Variants in LRP1 observed in about 807,000 individuals in gnomAD.
LRP1 encodes the protein LDL receptor related protein 1, also known as prolow-density lipoprotein receptor-related protein 1.
LRP1 carries 51 observed loss-of-function variants against 541.5 expected under a neutral mutation model. That is an observed-to-expected ratio of 0.09 (90% CI 0.08 to 0.12). The LOEUF (loss-of-function observed/expected upper bound fraction) is 0.12, where lower values mean the gene tolerates loss of function less well. Among genes scored for constraint, LRP1 ranks in the 10% least tolerant of loss-of-function variants. The pLI is 1.00. For missense variants in LRP1, 3,878 were observed against 6,376.2 expected (o/e 0.61, Z 13.34); for synonymous variants, 2,219 against 2,470.8 (o/e 0.90, Z 3.02).
intron 10 of LRP1, among the ~76,000 whole-genome samples, chr12:57,157,963 G>A (rs1046981105): frequency 6.6e-6 from 1 of 152,204 alleles, no homozygotes; most frequent in Admixed American, 6.5e-5. Flanking sequence ...TAAAAGTCAC[G>A]CTGCTACTGG....
At position 57,128,534 on chromosome 12, in the gene LRP1, G is replaced by A. The variant is rs2034961944; in HGVS notation, c.-431G>A. 4 of 392,936 alleles carry A rather than the reference G, an allele frequency of 1.0e-5. No individual in the cohort carries two copies. The highest frequency in any genetic ancestry group is 2.1e-5 in the African/African-American group (1 of 48,186). 24.3% of individuals were successfully genotyped at this position (392,936 alleles called of 1,614,324 possible). Reference sequence around the variant, plus strand: ...AGCTCCAGGCCCATGCACTGAGGAGGCGGAAACAAGGGGAGCCCCCAGAGC... The same window carrying A: ...AGCTCCAGGCCCATGCACTGAGGAGACGGAAACAAGGGGAGCCCCCAGAGC... On this transcript the variant is annotated 5_prime_UTR_variant, in exon 1 of 89. Transcript: ENST00000243077.
At chr12:57,202,384 C>T (rs1296321573) in intron 67 of LRP1, 37 bp from the exon 68 acceptor site, 1 of 1,476,910 alleles carries the variant, frequency 6.8e-7, no homozygotes, top group Non-Finnish European at 9.5e-7. Flanking sequence ...TCTGCCCCAG[C>T]CCTTTCCCTG....
Position 57,145,078 on chromosome 12 carries a change from C to A in LRP1, c.555C>A (p.Asn185Lys). 6.2e-7 allele frequency: 1 copy of A among 1,614,050 alleles called. No individual in the cohort carries two copies. ...CVEGYLLQPD[N>K]RSCKAKNEPV... ...AAGGATACCTCCTGCAGCCGGATAACCGCTCCTGCAAGGCCAAGAACGGTG... is the reference window on the plus strand; with the variant it reads ...AAGGATACCTCCTGCAGCCGGATAAACGCTCCTGCAAGGCCAAGAACGGTG... Residue 185 changes from asparagine to lysine, a missense_variant, in exon 5 of 89, where the codon AAC becomes AAA. By Grantham distance (94) the Asn-to-Lys change is moderately conservative (BLOSUM62 0). Around this residue, in one of 13 missense-constraint regions of LRP1, gnomAD observed 293 missense variants for 403.7 expected, o/e 0.73. Transcript: ENST00000243077.
intron 41 of LRP1, 83 bp from the exon 42 acceptor site, chr12:57,187,184 C>T: frequency 2.1e-6 from 3 of 1,420,642 alleles, no homozygotes; most frequent in Non-Finnish European, 2.9e-6. Flanking sequence ...AGGAGAGCAC[C>T]TGCCCCAGGC....
At chr12:57,131,171 C>G (rs1207754210) in intron 1 of LRP1, among the ~76,000 whole-genome samples, 1 of 152,178 alleles carries the variant, frequency 6.6e-6, no homozygotes, top group Non-Finnish European at 1.5e-5. Context: ...TTACCTTCCT[C>G]CTGCTATCAC....
At chr12:57,129,612 G>T (rs1330655842) in intron 1 of LRP1, among the ~76,000 whole-genome samples, 1 of 152,220 alleles carries the variant, frequency 6.6e-6, no homozygotes, top group South Asian at 2.1e-4. Flanking sequence ...CCTGGGTGCT[G>T]AAGTAGGCTC....
In LRP1 at chr12:57,193,661, G is replaced by A. The variant is rs919917249; in HGVS notation, c.7780G>A (p.Gly2594Ser). The A allele has an allele frequency of 6.2e-7, 1 of 1,614,202 alleles. No homozygotes were observed. The highest frequency in any genetic ancestry group is 1.3e-5 in the African/African-American group (1 of 75,054). Reference sequence around the variant, plus strand: ...CAACGGGGCCGACGACTGTGGGGATGGCTCTGACGAGATCCCTTGCAACAG... The same window carrying A: ...CAACGGGGCCGACGACTGTGGGGATAGCTCTGACGAGATCCCTTGCAACAG... ...WCNGADDCGDGSDEIPCNKTA... is the reference protein window; with the variant it reads ...WCNGADDCGDSSDEIPCNKTA... The change falls in exon 47 of 89, where the codon GGC (glycine) becomes AGC (serine). Residue 2594 changes from glycine to serine, a missense_variant. Gly to Ser is a moderately conservative substitution (Grantham distance 56, BLOSUM62 0). Coordinates refer to ENST00000243077, the MANE Select transcript of LRP1 (RefSeq NM_002332.3).
At chr12:57,193,453 G>T in intron 46 of LRP1, 113 bp from the exon 47 acceptor site, 1 of 1,513,782 alleles carries the variant, frequency 6.6e-7, no homozygotes. Context: ...CTGTTAGCCT[G>T]GACTGGGCCT....
rs755874188 is a variant in LRP1, at chr12:57,206,725, G to A, written c.11843G>A (p.Gly3948Asp). The A allele has an allele frequency of 7.4e-6, 12 of 1,612,312 alleles. No homozygotes were observed. The highest frequency in any genetic ancestry group is 1.0e-5 in the Non-Finnish European group (12 of 1,179,992). ...CGCCACCGGCGACAGATTGACCGGG[G>A]TGTCACCCACCTCAACGTGAGTGCC... Reference protein sequence around the residue: ...SNRHRRQIDRGVTHLNISGLK... With the variant: ...SNRHRRQIDRDVTHLNISGLK... The change falls in exon 76 of 89, where the codon GGT becomes GAT. Residue 3948 changes from glycine (G) to aspartate (D), a missense_variant. This residue lies in a region of LRP1 where 871 missense variants were observed against 1,212.4 expected (regional missense o/e 0.72). Transcript: ENST00000243077. This position sits in a 1 kb window ranked among gnomAD's most constrained non-coding sequence, Gnocchi z 4.7.
At position 57,197,205 on chromosome 12, in the gene LRP1, G is replaced by T. The variant is rs2036554106; in HGVS notation, c.9076+40G>T. 1 of 1,613,714 alleles carries T rather than the reference G, an allele frequency of 6.2e-7. No individual in the cohort carries two copies. ...TGGAGGGCATGAGGTGACCCAGGCT[G>T]TGTGGGACTGCCCGGGTGGCAGAGC... On this transcript the variant is annotated intron_variant, in intron 56 of 88. Coordinates refer to ENST00000243077, the MANE Select transcript of LRP1 (RefSeq NM_002332.3). The surrounding 1 kb of genome is among the most constrained non-coding windows in gnomAD (Gnocchi z 4.5).
rs770483111 is a variant in LRP1 at position 57,195,009 on chromosome 12, T to C, written c.8216T>C (p.Phe2739Ser). ...GACAAGTTCTGCTCAGAGGCCCAGT[T>C]TGAGTGCCAGAACCATCGCTGCATC... The part of the protein sequence containing the change: ...HCNKFCSEAQ[F>S]ECQNHRCISK... The change falls in exon 51 of 89, where the codon TTT (phenylalanine) becomes TCT (serine). Residue 2739 changes from phenylalanine to serine, a missense_variant. By Grantham distance (155) the Phe-to-Ser change is radical. Coordinates refer to ENST00000243077, the MANE Select transcript of LRP1 (RefSeq NM_002332.3). The C allele has an allele frequency of 3.1e-6, 5 of 1,613,872 alleles. No individual in the cohort carries two copies. The highest frequency in any genetic ancestry group is 2.2e-5 in the East Asian group (1 of 44,864).
At position 57,179,975 on chromosome 12, in the gene LRP1, G is replaced by A; in HGVS notation, c.5141+19G>A. On this transcript the variant is annotated intron_variant, in intron 30 of 88. Coordinates refer to ENST00000243077, the MANE Select transcript of LRP1 (RefSeq NM_002332.3). This position sits in a 1 kb window ranked among gnomAD's most constrained non-coding sequence, Gnocchi z 6.8. ...TGCGTGGGTCAGTCTAGGGCCCAGG[G>A]CCGGGGAGCATGGGGTGTGGGGCTG... 1 of 1,613,968 alleles carries A rather than the reference G, an allele frequency of 6.2e-7. No homozygotes were observed.
intron 46 of LRP1, 108 bp from the exon 47 acceptor site, chr12:57,193,458 G>A (rs2036458462): frequency 6.6e-7 from 1 of 1,517,158 alleles, no homozygotes. Flanking sequence ...AGCCTGGACT[G>A]GGCCTTTGGG....
At chr12:57,137,166 G>A (rs1187946343) in intron 1 of LRP1, among the ~76,000 whole-genome samples, 7 of 152,030 alleles carry the variant, frequency 4.6e-5, no homozygotes, top group Non-Finnish European at 1.5e-5. Flanking sequence ...ACTTGAACCC[G>A]GGAGGCAGGG....
chr12:57,170,373 A>G (rs1436454408), intron 20 of LRP1, among the ~76,000 whole-genome samples: 3 of 152,232 alleles, frequency 2.0e-5, no homozygotes, highest in Non-Finnish European at 4.4e-5. Flanking sequence ...AGTTGATTTT[A>G]GAAGTTTTAA....
At chr12:57,186,535 C>A (rs2036273592) in intron 41 of LRP1, among the ~76,000 whole-genome samples, 1 of 152,258 alleles carries the variant, frequency 6.6e-6, no homozygotes, top group Non-Finnish European at 1.5e-5. Flanking sequence ...AGGCACCGAA[C>A]TAGGTGCTAC....
chr12:57,201,525 C>G lies in LRP1; in HGVS notation c.10374C>G (p.Phe3458Leu). Residue 3458 changes from phenylalanine to leucine, a missense_variant, in exon 66 of 89, where the codon TTC becomes TTG. This residue lies in a region of LRP1 where 278 missense variants were observed against 536.3 expected (regional missense o/e 0.52). Transcript: ENST00000243077. This position sits in a 1 kb window ranked among gnomAD's most constrained non-coding sequence, Gnocchi z 6.4. The stretch of plus-strand genomic sequence containing the variant: ...AGGTGACCTGCGCCCCCAACCAGTT[C>G]CAGTGCTCCATTACCAAACGGTGCA... ...CPEVTCAPNQ[F>L]QCSITKRCIP... 6.2e-7 allele frequency: 1 copy of G among 1,613,988 alleles called. No individual in the cohort carries two copies. The highest frequency in any genetic ancestry group is 8.5e-7 in the Non-Finnish European group (1 of 1,179,956).
Position 57,158,661 on chromosome 12 carries a change from C to T in LRP1, c.1798+23C>T, listed in dbSNP as rs2035670468. The T allele has an allele frequency of 6.2e-7, 1 of 1,605,042 alleles. No individual in the cohort carries two copies. The highest frequency in any genetic ancestry group is 2.2e-5 in the East Asian group (1 of 44,800). ...ACGGTATGGGCTCCTAGGGATGTGG[C>T]CCATGGGGATGGAAGGGGGCTGGGG... On this transcript the variant is annotated intron_variant, in intron 11 of 88. Coordinates refer to ENST00000243077, the MANE Select transcript of LRP1 (RefSeq NM_002332.3). This position sits in a 1 kb window ranked among gnomAD's most constrained non-coding sequence, Gnocchi z 5.3.
At chr12:57,163,616 T>C (rs1444668904) in intron 15 of LRP1, among the ~76,000 whole-genome samples, 1 of 151,528 alleles carries the variant, frequency 6.6e-6, no homozygotes, top group Admixed American at 6.6e-5. Context: ...ATACATATAA[T>C]ATATATGTTG....
Sources: gnomAD v4.1 joint callset for allele counts (sites outside exome capture counted in the v4.1 genomes callset) on GRCh38, gnomAD v4.1.1 for gene constraint, gnomAD v4.1.1 regional missense constraint, Gnocchi (gnomAD v3.1) non-coding constraint, MANE v1.5 for transcripts, NCBI Gene and HGNC (gene_info 2026-07-23, HGNC 2026-07-21) for gene names.